GRHL3: variants seen among roughly 807,000 people sequenced by gnomAD.
GRHL3 encodes the protein grainyhead-like protein 3 homolog.
In GRHL3, 20 loss-of-function variants were observed where a neutral mutation model predicts 70.3. That is an observed-to-expected ratio of 0.28 (90% confidence interval 0.20 to 0.41). The LOEUF is 0.41. Ranked by LOEUF, GRHL3 falls within the 10% of genes least tolerant of loss-of-function variation. GRHL3 has a pLI of 1.00. For missense variants in GRHL3, 637 were observed against 762.3 expected (o/e 0.84, Z 1.94); for synonymous variants, 299 against 299.9 (o/e 1.00, Z 0.03).
At position 24,331,424 on chromosome 1, in the gene GRHL3, A is replaced by G. The variant is rs1336769391; in HGVS notation, c.18-2A>G. The G allele has an allele frequency of 6.2e-7, 1 of 1,604,444 alleles. No homozygotes were observed. Among genetic ancestry groups the G allele is most frequent in the Admixed American group, 1.7e-5 (1 of 59,332 alleles). The stretch of plus-strand genomic sequence containing the variant: ...AATTTGACTCTCCTTACTTGCATTC[A>G]GTTTCAGGTCTGTGCGGCTGCTAAA... On this transcript the variant is annotated splice_acceptor_variant, in intron 1 of 15. Coordinates refer to ENST00000361548, the MANE Select transcript of GRHL3 (RefSeq NM_198173.3). LOFTEE classifies it high-confidence loss of function.
At position 24,322,118 on chromosome 1, in the gene GRHL3, G is replaced by T. The variant is rs893064928; in HGVS notation, c.17+2550G>T. Reference sequence around the variant, plus strand: ...GAGGGCCGGCCGGCGCTCCAGGCAGGCCCCGTTGACAGCCCAGGAAGGGAG... The same window carrying T: ...GAGGGCCGGCCGGCGCTCCAGGCAGTCCCCGTTGACAGCCCAGGAAGGGAG... On this transcript the variant is annotated intron_variant, in intron 1 of 15. Coordinates refer to ENST00000361548, the MANE Select transcript of GRHL3 (RefSeq NM_198173.3). The surrounding 1 kb of genome is among the most constrained non-coding windows in gnomAD (Gnocchi z 4.4). 6.6e-6 allele frequency among the ~76,000 whole-genome samples: 1 copy of T among 152,104 alleles called. No individual in the cohort carries two copies. Among genetic ancestry groups the T allele is most frequent in the Non-Finnish European group, 1.5e-5 (1 of 67,990 alleles).
rs746182160 is a variant in GRHL3 at position 24,344,929 on chromosome 1, C to T, written c.1452C>T (p.Asn484=). ...CCTCGGCAGGACCCAGCAGCTCCAA[C>T]AGGTATGGAGAGAAACAACCACACG... The part of the protein sequence containing the change: ...AAPSAGPSSS[N]RLPLKRTCSP... Residue 484 remains asparagine (N), a splice_region_variant and synonymous_variant, in exon 12 of 16, where the codon AAC becomes AAT. Coordinates refer to ENST00000361548, the MANE Select transcript of GRHL3 (RefSeq NM_198173.3). 1.2e-6 allele frequency: 2 copies of T among 1,613,584 alleles called. No individual in the cohort carries two copies. The highest frequency in any genetic ancestry group is 1.1e-5 in the South Asian group (1 of 91,082).
intron 12 of GRHL3, among the ~76,000 whole-genome samples, chr1:24,346,059 A>C (rs1442069288): frequency 1.3e-5 from 2 of 152,066 alleles, no homozygotes; most frequent in East Asian, 3.9e-4. Flanking sequence ...TCTAGCTGTG[A>C]AAGTCACCGC....
In GRHL3 at chr1:24,322,715, GAA is replaced by G. The variant is rs113081663; in HGVS notation, c.17+3148_17+3149del. 1.3e-5 allele frequency among the ~76,000 whole-genome samples: 2 copies of G among 152,352 alleles called. No homozygotes were observed. Among genetic ancestry groups the G allele is most frequent in the African/African-American group, 4.8e-5 (2 of 41,596 alleles). On this transcript the variant is annotated intron_variant, in intron 1 of 15. Coordinates refer to ENST00000361548, the MANE Select transcript of GRHL3 (RefSeq NM_198173.3). The surrounding 1 kb of genome is among the most constrained non-coding windows in gnomAD (Gnocchi z 4.4). Reference sequence around the variant, plus strand: ...GCTCCCACTGACCCACCGGAGGAGTGAAGAGGGAAAACGGGGCTGAAACCCAG... The same window carrying G: ...GCTCCCACTGACCCACCGGAGGAGTGGAGGGAAAACGGGGCTGAAACCCAG...
In GRHL3 at chr1:24,331,623, C is replaced by G; in HGVS notation, c.204+11C>G. The G allele has an allele frequency of 6.2e-7, 1 of 1,604,378 alleles. No individual in the cohort carries two copies. Among genetic ancestry groups the G allele is most frequent in the Non-Finnish European group, 8.5e-7 (1 of 1,173,954 alleles). On this transcript the variant is annotated intron_variant, in intron 2 of 15. Coordinates refer to ENST00000361548, the MANE Select transcript of GRHL3 (RefSeq NM_198173.3). ...TATGATTACTACATGGTACGTCTAC[C>G]CCCTCTGGACATGCCCCGTTTTGAC...
At chr1:24,337,354 AG>A in intron 5 of GRHL3, 1 of 594,496 alleles carries the variant, frequency 1.7e-6, no homozygotes, top group South Asian at 2.2e-5. Context: ...GTACCTTATC[AG>A]AAAACTGAGG....
intron 6 of GRHL3, 22 bp from the exon 7 acceptor site, chr1:24,337,970 C>A: frequency 6.4e-7 from 1 of 1,573,824 alleles, no homozygotes; most frequent in Non-Finnish European, 8.7e-7. Flanking sequence ...CCGGGAGTGA[C>A]TGTGACCAAC....
chr1:24,322,702 C>G lies in GRHL3; in HGVS notation c.17+3134C>G, dbSNP rs1378377132. Among the ~76,000 whole-genome samples, 1 of 152,212 alleles carries G rather than the reference C, an allele frequency of 6.6e-6. No homozygotes were observed. Among genetic ancestry groups the G allele is most frequent in the Non-Finnish European group, 1.5e-5 (1 of 68,038 alleles). On this transcript the variant is annotated intron_variant, in intron 1 of 15. Coordinates refer to ENST00000361548, the MANE Select transcript of GRHL3 (RefSeq NM_198173.3). The surrounding 1 kb of genome is among the most constrained non-coding windows in gnomAD (Gnocchi z 4.4). ...GGCGGTCGGCAGAGCTCCCACTGAC[C>G]CACCGGAGGAGTGAAGAGGGAAAAC...
chr1:24,323,244 T>C, intron 1 of GRHL3: 1 of 674,512 alleles, frequency 1.5e-6, no homozygotes, highest in South Asian at 1.7e-5. Flanking sequence ...CAAACTGTGG[T>C]CCGTGGACCA....
chr1:24,327,923 AC>A (rs1202831772), intron 1 of GRHL3, among the ~76,000 whole-genome samples: 2 of 152,172 alleles, frequency 1.3e-5, no homozygotes, highest in Non-Finnish European at 2.9e-5. Context: ...GTCAATACTA[AC>A]CTTATTCATT....
chr1:24,345,526 G>C (rs1474657859), intron 12 of GRHL3, among the ~76,000 whole-genome samples: 1 of 151,702 alleles, frequency 6.6e-6, no homozygotes, highest in Non-Finnish European at 1.5e-5. Context: ...GCGAATCTCT[G>C]GCGAGACACC....
intron 11 of GRHL3, among the ~76,000 whole-genome samples, chr1:24,344,199 C>G (rs1262259520): frequency 6.6e-6 from 1 of 152,086 alleles, no homozygotes; most frequent in Admixed American, 6.5e-5. Flanking sequence ...GAGTTTGAAC[C>G]CTGACTCTGC....
chr1:24,333,293 A>C (rs1639677706), intron 2 of GRHL3, among the ~76,000 whole-genome samples: 2 of 152,166 alleles, frequency 1.3e-5, no homozygotes, highest in Non-Finnish European at 2.9e-5. Context: ...TTTGAGACCT[A>C]GTCCTGCCAC....
intron 15 of GRHL3, among the ~76,000 whole-genome samples, chr1:24,363,374 C>T (rs977573143): frequency 6.6e-6 from 1 of 152,218 alleles, no homozygotes; most frequent in Non-Finnish European, 1.5e-5. Flanking sequence ...GGAATCCAGG[C>T]AGTTCTGTAC....
chr1:24,331,043 C>T lies in GRHL3; in HGVS notation c.18-383C>T, dbSNP rs75112116. 7.0e-3 allele frequency among the ~76,000 whole-genome samples: 1,065 copies of T among 152,348 alleles called. 10 individuals carry two copies. The highest frequency in any genetic ancestry group is 0.014 in the Middle Eastern group (4 of 292). The stretch of plus-strand genomic sequence containing the variant: ...TTCAGTAGAACTCATGATGGGTTAT[C>T]TGGAAATTTTATTCGTATCACATTG... On this transcript the variant is annotated intron_variant, in intron 1 of 15. Transcript: ENST00000361548.
At chr1:24,336,931 G>A in intron 4 of GRHL3, 104 bp downstream of exon 4, 12 of 1,229,220 alleles carry the variant, frequency 9.8e-6, no homozygotes, top group Non-Finnish European at 1.3e-5. Flanking sequence ...ATGGGGGAAA[G>A]CATCCTAGAG....
In GRHL3 at chr1:24,364,107, C is replaced by T. The variant is rs1423426197; in HGVS notation, c.1695-78C>T. 2.7e-6 allele frequency: 4 copies of T among 1,460,004 alleles called. No individual in the cohort carries two copies. The East Asian group carries it at 7.7e-5, about 28-fold the overall frequency. 90.4% of individuals were successfully genotyped at this position (1,460,004 alleles called of 1,614,324 possible). On this transcript the variant is annotated intron_variant, in intron 15 of 15. Transcript: ENST00000350501. Reference sequence around the variant, plus strand: ...GTTCAGCAACTCCATGCCTTTGTCCCTGCTGTTCCTTCTGTGAGAAACACC... The same window carrying T: ...GTTCAGCAACTCCATGCCTTTGTCCTTGCTGTTCCTTCTGTGAGAAACACC...
Position 24,346,755 on chromosome 1 carries a change from G to C in GRHL3, c.1543+114G>C, listed in dbSNP as rs907489379. On this transcript the variant is annotated intron_variant, in intron 13 of 15. Coordinates refer to ENST00000361548, the MANE Select transcript of GRHL3 (RefSeq NM_198173.3). ...GCACGAGGCGCTGCCTTACCCCTTGGAGCTAGGTTTAGGTTAAGACTTGGG... is the reference window on the plus strand; with the variant it reads ...GCACGAGGCGCTGCCTTACCCCTTGCAGCTAGGTTTAGGTTAAGACTTGGG... 4 of 781,882 alleles carry C rather than the reference G, an allele frequency of 5.1e-6. No individual in the cohort carries two copies. In the African/African-American group the frequency reaches 5.1e-5, roughly 10 times the overall value. 48.4% of individuals were successfully genotyped at this position (781,882 alleles called of 1,614,324 possible). A position where few individuals can be genotyped will look rare whatever the true frequency, so the allele number is the denominator to read the frequency against.
intron 12 of GRHL3, among the ~76,000 whole-genome samples, chr1:24,345,343 C>G (rs1255514412): frequency 6.8e-6 from 1 of 147,364 alleles, no homozygotes; most frequent in African/African-American, 2.5e-5. Flanking sequence ...ACCATGCCCA[C>G]TGTACCATGC....
Sources: gnomAD v4.1 joint callset for allele counts (sites outside exome capture counted in the v4.1 genomes callset) on GRCh38, gnomAD v4.1.1 for gene constraint, Gnocchi (gnomAD v3.1) non-coding constraint, MANE v1.5 for transcripts, NCBI Gene and HGNC (gene_info 2026-07-23, HGNC 2026-07-21) for gene names.